The following AMPH variants were observed in gnomAD, a reference collection of about 807,000 sequenced individuals.
The protein encoded by AMPH is amphiphysin.
In AMPH, 49 loss-of-function variants were observed where a neutral mutation model predicts 99.1. That is an observed-to-expected ratio of 0.49 (90% CI 0.39 to 0.63). The LOEUF is 0.63. AMPH is among the 20% of genes least tolerant of loss of function. AMPH has a pLI of 0.00. For synonymous variants in AMPH, 314 were observed against 317.3 expected (o/e 0.99, Z 0.11); for missense variants, 759 against 863.4 (o/e 0.88, Z 1.52).
chr7:38,392,374 G>GTTTT (rs1562722574), intron 18 of AMPH, among the ~76,000 whole-genome samples: 22 of 90,198 alleles, frequency 2.4e-4, no homozygotes, highest in Non-Finnish European at 3.0e-4. Flanking sequence ...GGCCGGCCTG[G>GTTTT]TTCTTTTTTT....
chr7:38,398,166 C>T (rs187181758), intron 17 of AMPH, among the ~76,000 whole-genome samples: 17 of 135,490 alleles, frequency 1.3e-4, no homozygotes, highest in Non-Finnish European at 1.1e-4. Flanking sequence ...AGCAATCCCA[C>T]TGCTAGGTAT....
intron 1 of AMPH, among the ~76,000 whole-genome samples, chr7:38,627,080 C>T (rs188137038): frequency 6.6e-6 from 1 of 152,072 alleles, no homozygotes; most frequent in African/African-American, 2.4e-5. Flanking sequence ...GAGTCCATAT[C>T]GTTCAGGGGA....
At chr7:38,540,463 A>G (rs948301393) in intron 1 of AMPH, among the ~76,000 whole-genome samples, 1 of 152,068 alleles carries the variant, frequency 6.6e-6, no homozygotes, top group African/African-American at 2.4e-5. Context: ...AAAAAAGTAA[A>G]TAGGAAGGAA....
intron 1 of AMPH, among the ~76,000 whole-genome samples, chr7:38,540,817 G>C (rs1344636161): frequency 6.7e-6 from 1 of 148,766 alleles, no homozygotes. Flanking sequence ...TTGTTACTGA[G>C]ACAAGAATGA....
chr7:38,524,448 C>T (rs1286639172), intron 2 of AMPH, among the ~76,000 whole-genome samples: 10 of 152,186 alleles, frequency 6.6e-5, no homozygotes, highest in Admixed American at 6.5e-4. Context: ...GAGTCTTCTG[C>T]ATAGCAAAAG....
intron 1 of AMPH, among the ~76,000 whole-genome samples, chr7:38,626,115 G>A (rs1382536112): frequency 6.6e-6 from 1 of 152,192 alleles, no homozygotes; most frequent in Non-Finnish European, 1.5e-5. Flanking sequence ...TAACAAGATT[G>A]TAGGTTGAGG....
intron 1 of AMPH, among the ~76,000 whole-genome samples, chr7:38,630,449 AT>A (rs781197956): frequency 2.4e-4 from 36 of 152,168 alleles, no homozygotes; most frequent in Non-Finnish European, 7.3e-5. Context: ...GGGAAAAAAA[AT>A]AAATTACTGT....
chr7:38,589,518 C>T (rs1792778263), intron 1 of AMPH, among the ~76,000 whole-genome samples: 1 of 152,148 alleles, frequency 6.6e-6, no homozygotes, highest in South Asian at 2.1e-4. Context: ...ACTGTGTCAA[C>T]CTACCCCGAG....
chr7:38,508,972 G>T (rs1462786475), intron 2 of AMPH, among the ~76,000 whole-genome samples: 2 of 152,150 alleles, frequency 1.3e-5, no homozygotes, highest in African/African-American at 4.8e-5. Context: ...AGGCCACTGA[G>T]CACTACAGGC....
intron 1 of AMPH, among the ~76,000 whole-genome samples, chr7:38,596,720 TC>T (rs1282112775): frequency 6.6e-6 from 1 of 152,166 alleles, no homozygotes; most frequent in Non-Finnish European, 1.5e-5. Context: ...TCTAAAACTG[TC>T]CTTTACCATA....
chr7:38,583,796 G>A (rs1792550877), intron 1 of AMPH, among the ~76,000 whole-genome samples: 1 of 152,254 alleles, frequency 6.6e-6, no homozygotes. Flanking sequence ...GAGGCAGAGT[G>A]AGGGGGGCCA....
chr7:38,561,007 T>G (rs1791535301), intron 1 of AMPH, among the ~76,000 whole-genome samples: 1 of 152,248 alleles, frequency 6.6e-6, no homozygotes, highest in Non-Finnish European at 1.5e-5. Flanking sequence ...TAAAGCAAGT[T>G]AACTCTTTCA....
intron 1 of AMPH, among the ~76,000 whole-genome samples, chr7:38,550,254 T>G (rs371128483): frequency 1.3e-5 from 2 of 152,212 alleles, no homozygotes; most frequent in Non-Finnish European, 2.9e-5. Context: ...GGGAGCTTGC[T>G]AGAAATGCAG....
chr7:38,625,306 A>C (rs1021418921), intron 1 of AMPH, among the ~76,000 whole-genome samples: 4 of 152,248 alleles, frequency 2.6e-5, no homozygotes, highest in African/African-American at 9.6e-5. Context: ...TATTTGATAT[A>C]TTGAACCTCG....
At chr7:38,453,283 G>A (rs191262190) in intron 11 of AMPH, among the ~76,000 whole-genome samples, 1 of 152,330 alleles carries the variant, frequency 6.6e-6, no homozygotes, top group East Asian at 1.9e-4. Context: ...CAGCCAGTGA[G>A]ATATAAGAGG....
intron 1 of AMPH, among the ~76,000 whole-genome samples, chr7:38,621,404 G>C (rs111903954): frequency 6.6e-6 from 1 of 152,154 alleles, no homozygotes; most frequent in Non-Finnish European, 1.5e-5. Flanking sequence ...TCTCTAGAAA[G>C]TGCCTTCCAC....
chr7:38,595,050 G>A (rs1793002035), intron 1 of AMPH, among the ~76,000 whole-genome samples: 3 of 152,158 alleles, frequency 2.0e-5, no homozygotes, highest in Admixed American at 2.0e-4. Context: ...AGAGAAACTT[G>A]CTAGAGGAAA....
intron 1 of AMPH, among the ~76,000 whole-genome samples, chr7:38,624,291 A>ATTGTCT (rs1242161357): frequency 0.013 from 2,012 of 152,228 alleles, 35 homozygotes; most frequent in African/African-American, 0.045. Context: ...CAATTATATA[A>ATTGTCT]TAATCACTTG....
intron 1 of AMPH, among the ~76,000 whole-genome samples, chr7:38,537,849 C>T (rs909229095): frequency 2.0e-5 from 3 of 152,088 alleles, no homozygotes; most frequent in Non-Finnish European, 4.4e-5. Context: ...AAAAAAGGAG[C>T]TCTCAAAAAG....
Sources: allele counts gnomAD v4.1 joint callset (sites outside exome capture counted in the v4.1 genomes callset), GRCh38; gene constraint gnomAD v4.1.1; transcripts MANE v1.5; gene names NCBI Gene and HGNC (gene_info 2026-07-23, HGNC 2026-07-21).